GSTM1: variants seen among roughly 807,000 people sequenced by gnomAD.
GSTM1 encodes GST HB subunit 4.
GSTM1 carries 6 observed loss-of-function variants against 17.3 expected under a neutral mutation model. The observed-to-expected ratio is 0.35, with a 90% CI of 0.19 to 0.68. GSTM1 has a LOEUF of 0.68. Among genes scored for constraint, GSTM1 ranks in the 30% least tolerant of loss-of-function variants. The pLI is 0.65. For missense variants in GSTM1, 62 were observed against 155.9 expected (o/e 0.40, Z 3.21); for synonymous variants, 20 against 53.6 (o/e 0.37, Z 2.74).
chr1:109,688,419 T>TA lies in GSTM1; in HGVS notation c.112+174_112+175insA, dbSNP rs1265950525. On this transcript the variant is annotated intron_variant, in intron 2 of 7. Transcript: ENST00000309851. ...GGCCTTGCAAGGCAGAATGCTGGGG[T>TA]GGGATGCTGGGCCCCCTGTCTAATT... 8 of 409,954 alleles carry TA rather than the reference T, an allele frequency of 2.0e-5. 3 individuals are homozygous for TA. Among genetic ancestry groups the TA allele is most frequent in the African/African-American group, 4.7e-5 (2 of 42,354 alleles). The allele number at this position is 409,954 out of a possible 1,614,324, so 25.4% of individuals were successfully genotyped here.
At position 109,690,293 on chromosome 1, in the gene GSTM1, T is replaced by C. The variant is rs1480110385; in HGVS notation, c.383T>C (p.Leu128Ser). 3 of 796,874 alleles carry C rather than the reference T, an allele frequency of 3.8e-6. 1 individual carries two copies. In the African/African-American group the frequency reaches 5.6e-5, roughly 15 times the overall value. 49.4% of individuals were successfully genotyped at this position (796,874 alleles called of 1,614,324 possible). ...PEFEKLKPKY[L>S]EELPEKLKLY... ...CAGGAGAAACTGAAGCCAAAGTACTTGGAGGAACTCCCTGAAAAGCTAAAG... is the reference window on the plus strand; with the variant it reads ...CAGGAGAAACTGAAGCCAAAGTACTCGGAGGAACTCCCTGAAAAGCTAAAG... The change falls in exon 6 of 8, where the codon TTG becomes TCG. Residue 128 changes from leucine (L) to serine (S), a missense_variant. Coordinates refer to ENST00000309851, the MANE Select transcript of GSTM1 (RefSeq NM_000561.4).
chr1:109,693,197 C>A lies in GSTM1; in HGVS notation c.568-9C>A. On this transcript the variant is annotated splice_polypyrimidine_tract_variant and intron_variant, in intron 7 of 7. Transcript: ENST00000309851. ...CCTTGAGTTCTGGCCTTATTTTCCCCCCTCTCAGGGCTTGGAGAAGATCTC... is the reference window on the plus strand; with the variant it reads ...CCTTGAGTTCTGGCCTTATTTTCCCACCTCTCAGGGCTTGGAGAAGATCTC... The A allele has an allele frequency of 1.3e-6, 1 of 779,444 alleles. No homozygotes were observed. The highest frequency in any genetic ancestry group is 3.1e-5 in the Admixed American group (1 of 32,544). 48.3% of individuals were successfully genotyped at this position (779,444 alleles called of 1,614,324 possible). A position where few individuals can be genotyped will look rare whatever the true frequency, so the allele number is the denominator to read the frequency against.
chr1:109,687,838 T>G lies in GSTM1; in HGVS notation c.-36T>G, dbSNP rs760891075. 1.3e-5 allele frequency: 10 copies of G among 749,156 alleles called. 3 individuals carry two copies. The highest frequency in any genetic ancestry group is 1.8e-5 in the Non-Finnish European group (9 of 508,326). 46.4% of individuals were successfully genotyped at this position (749,156 alleles called of 1,614,324 possible). ...TCTTATACTCTGAGCCCTGCTCGGTTTAGGCCTGTCTGCGGAATCCGCACC... is the reference window on the plus strand; with the variant it reads ...TCTTATACTCTGAGCCCTGCTCGGTGTAGGCCTGTCTGCGGAATCCGCACC... On this transcript the variant is annotated 5_prime_UTR_variant, in exon 1 of 8. Coordinates refer to ENST00000309851, the MANE Select transcript of GSTM1 (RefSeq NM_000561.4).
intron 1 of GSTM1, 87 bp downstream of exon 1, chr1:109,687,996 C>G (rs1265327532): frequency 1.4e-6 from 1 of 706,634 alleles, no homozygotes; most frequent in African/African-American, 1.9e-5. Flanking sequence ...GGGACCGTTC[C>G]TCTTCAGGGC....
In GSTM1 at chr1:109,688,971, C is replaced by T. The variant is rs1648030086; in HGVS notation, c.178-77C>T. On this transcript the variant is annotated intron_variant, in intron 3 of 7. Transcript: ENST00000309851. The stretch of plus-strand genomic sequence containing the variant: ...GCACAGTGAGTGCCCGGTCTCCTCT[C>T]TGCTCTTGCTTATGGGAAGGGGATG... The T allele has an allele frequency of 2.3e-5, 15 of 646,646 alleles. 6 individuals are homozygous for T. The South Asian group carries it at 2.5e-4, about 11-fold the overall frequency. The allele number at this position is 646,646 out of a possible 1,614,324, so 40.1% of individuals were successfully genotyped here.
At chr1:109,692,564 C>T (rs111633257) in intron 7 of GSTM1, among the ~76,000 whole-genome samples, 17,765 of 75,464 alleles carry the variant, frequency 0.24, 6,921 homozygotes, top group Middle Eastern at 0.33. Flanking sequence ...GCACTGCCAC[C>T]CCCCATTCCA....
chr1:109,688,084 G>A lies in GSTM1; in HGVS notation c.37-86G>A, dbSNP rs188450204. ...GGCGGGTAGAGGAGGCAACGGGTAC[G>A]TGCAGTGTAAACTGGGGGCTTCCCT... On this transcript the variant is annotated intron_variant, in intron 1 of 7. Coordinates refer to ENST00000309851, the MANE Select transcript of GSTM1 (RefSeq NM_000561.4). The A allele has an allele frequency of 7.8e-5, 62 of 795,218 alleles. 19 individuals carry two copies. In the African/African-American group the frequency reaches 1.0e-3, roughly 13 times the overall value. 49.3% of individuals were successfully genotyped at this position (795,218 alleles called of 1,614,324 possible). A position where few individuals can be genotyped will look rare whatever the true frequency, so the allele number is the denominator to read the frequency against.
At chr1:109,691,192 G>A (rs1248347486) in intron 7 of GSTM1, among the ~76,000 whole-genome samples, 1 of 73,404 alleles carries the variant, frequency 1.4e-5, no homozygotes, top group Admixed American at 1.5e-4. Context: ...TGAAATGCCC[G>A]GTGCTGGGGC....
Position 109,690,447 on chromosome 1 carries a change from TC to T in GSTM1, c.457-6del, listed in dbSNP as rs1648069236. 6.3e-6 allele frequency: 5 copies of T among 789,900 alleles called. 2 individuals are homozygous for T. In the South Asian group the frequency reaches 9.2e-5, roughly 15 times the overall value. 48.9% of individuals were successfully genotyped at this position (789,900 alleles called of 1,614,324 possible). ...GTTCCAGCCCACATATTCTTGGCCTTCTGCAGATCACTTTTGTAGATTTTCT... is the reference window on the plus strand; with the variant it reads ...GTTCCAGCCCACATATTCTTGGCCTTTGCAGATCACTTTTGTAGATTTTCT... On this transcript the variant is annotated splice_region_variant and splice_polypyrimidine_tract_variant and intron_variant, in intron 6 of 7. Coordinates refer to ENST00000309851, the MANE Select transcript of GSTM1 (RefSeq NM_000561.4).
rs765388480 is a variant in GSTM1 at position 109,687,854 on chromosome 1, A to G, written c.-20A>G. ...CTGCTCGGTTTAGGCCTGTCTGCGG[A>G]ATCCGCACCAACCAGCACCATGCCC... On this transcript the variant is annotated 5_prime_UTR_variant, in exon 1 of 8. Transcript: ENST00000309851. The G allele has an allele frequency of 1.1e-5, 9 of 785,272 alleles. 3 individuals are homozygous for G. Among genetic ancestry groups the G allele is most frequent in the South Asian group, 3.7e-5 (2 of 54,406 alleles). 48.6% of individuals were successfully genotyped at this position (785,272 alleles called of 1,614,324 possible).
rs748695551 is a variant in GSTM1, at chr1:109,688,960, C to T, written c.178-88C>T. 2.9e-5 allele frequency: 17 copies of T among 595,376 alleles called. 6 individuals carry two copies. The highest frequency in any genetic ancestry group is 6.2e-5 in the Admixed American group (2 of 32,354). 36.9% of individuals were successfully genotyped at this position (595,376 alleles called of 1,614,324 possible). The stretch of plus-strand genomic sequence containing the variant: ...GCCATGAGCAGGCACAGTGAGTGCC[C>T]GGTCTCCTCTCTGCTCTTGCTTATG... On this transcript the variant is annotated intron_variant, in intron 3 of 7. Coordinates refer to ENST00000309851, the MANE Select transcript of GSTM1 (RefSeq NM_000561.4).
rs760162195 is a variant in GSTM1 at position 109,687,852 on chromosome 1, G to A, written c.-22G>A. The A allele has an allele frequency of 3.7e-5, 29 of 783,974 alleles. 12 individuals carry two copies. The South Asian group carries it at 4.6e-4, about 12-fold the overall frequency. The allele number at this position is 783,974 out of a possible 1,614,324, so 48.6% of individuals were successfully genotyped here. A position where few individuals can be genotyped will look rare whatever the true frequency, so the allele number is the denominator to read the frequency against. ...CCCTGCTCGGTTTAGGCCTGTCTGC[G>A]GAATCCGCACCAACCAGCACCATGC... On this transcript the variant is annotated 5_prime_UTR_variant, in exon 1 of 8. Coordinates refer to ENST00000309851, the MANE Select transcript of GSTM1 (RefSeq NM_000561.4).
In GSTM1 at chr1:109,688,217, T is replaced by C. The variant is rs1065410; in HGVS notation, c.84T>C (p.Tyr28=). 445 of 797,956 alleles carry C rather than the reference T, an allele frequency of 5.6e-4. 194 individuals are homozygous for C. The highest frequency in any genetic ancestry group is 5.7e-4 in the Non-Finnish European group (316 of 552,716). 49.4% of individuals were successfully genotyped at this position (797,956 alleles called of 1,614,324 possible). The change falls in exon 2 of 8, where the codon TAT becomes TAC. Residue 28 remains tyrosine, a synonymous_variant. Coordinates refer to ENST00000309851, the MANE Select transcript of GSTM1 (RefSeq NM_000561.4). ...RLLLEYTDSS[Y]EEKKYTMGDA... is the part of the protein sequence containing the mutation. ...TCCTGGAATACACAGACTCAAGCTA[T>C]GAGGAAAAGAAGTACACGATGGGGG...
chr1:109,688,332 C>T lies in GSTM1; in HGVS notation c.112+87C>T. ...TGGTGGCCACCTGTGGCTGCCTCTG[C>T]AGGCCTCCCCTGCTGGAGCTGCAGG... On this transcript the variant is annotated intron_variant, in intron 2 of 7. Coordinates refer to ENST00000309851, the MANE Select transcript of GSTM1 (RefSeq NM_000561.4). 3 of 680,806 alleles carry T rather than the reference C, an allele frequency of 4.4e-6. 1 individual carries two copies. The highest frequency in any genetic ancestry group is 3.9e-5 in the African/African-American group (2 of 51,060). 42.2% of individuals were successfully genotyped at this position (680,806 alleles called of 1,614,324 possible).
Position 109,688,200 on chromosome 1 carries a change from T to C in GSTM1, c.67T>C (p.Tyr23His), listed in dbSNP as rs1648003600. 3 of 798,242 alleles carry C rather than the reference T, an allele frequency of 3.8e-6. 1 individual carries two copies. Among genetic ancestry groups the C allele is most frequent in the Non-Finnish European group, 5.4e-6 (3 of 552,892 alleles). The allele number at this position is 798,242 out of a possible 1,614,324, so 49.4% of individuals were successfully genotyped here. ...CCACGCCATCCGCCTGCTCCTGGAA[T>C]ACACAGACTCAAGCTATGAGGAAAA... ...LAHAIRLLLEYTDSSYEEKKY... is the reference protein window; with the variant it reads ...LAHAIRLLLEHTDSSYEEKKY... Residue 23 changes from tyrosine (Y) to histidine (H), a missense_variant, in exon 2 of 8, where the codon TAC becomes CAC. Tyr to His is a moderately conservative substitution (Grantham distance 83, BLOSUM62 2). Transcript: ENST00000309851.
intron 3 of GSTM1, 91 bp from the exon 4 acceptor site, chr1:109,688,957 G>A: frequency 1.7e-6 from 1 of 583,960 alleles, no homozygotes; most frequent in Non-Finnish European, 2.8e-6. Flanking sequence ...CACAGTGAGT[G>A]CCCGGTCTCC....
chr1:109,687,941 G>C (rs1647994871), intron 1 of GSTM1, 32 bp downstream of exon 1: 1 of 770,056 alleles, frequency 1.3e-6, no homozygotes, highest in African/African-American at 1.9e-5. Context: ...GGTGGGACGA[G>C]GGCGCAGGGG....
chr1:109,690,170 T>G lies in GSTM1; in HGVS notation c.361-101T>G, dbSNP rs1181839502. Reference sequence around the variant, plus strand: ...CCAGTTCCAGCTTGGGGAAGATGGCTGCTTGCCCATGGCCAGCCTGGGCCG... The same window carrying G: ...CCAGTTCCAGCTTGGGGAAGATGGCGGCTTGCCCATGGCCAGCCTGGGCCG... On this transcript the variant is annotated intron_variant, in intron 5 of 7. Coordinates refer to ENST00000309851, the MANE Select transcript of GSTM1 (RefSeq NM_000561.4). The G allele has an allele frequency of 4.8e-5, 20 of 416,124 alleles. 7 individuals carry two copies. The highest frequency in any genetic ancestry group is 4.6e-4 in the Admixed American group (13 of 28,394). The allele number at this position is 416,124 out of a possible 1,614,324, so 25.8% of individuals were successfully genotyped here.
In GSTM1 at chr1:109,688,176, C is replaced by T; in HGVS notation, c.43C>T (p.His15Tyr). 1.3e-6 allele frequency: 1 copy of T among 798,242 alleles called. No individual in the cohort carries two copies. The highest frequency in any genetic ancestry group is 1.8e-6 in the Non-Finnish European group (1 of 552,920). 49.4% of individuals were successfully genotyped at this position (798,242 alleles called of 1,614,324 possible). The change falls in exon 2 of 8, where the codon CAC becomes TAC. Residue 15 changes from histidine (H) to tyrosine (Y), a missense_variant. Transcript: ENST00000309851. Reference sequence around the variant, plus strand: ...TGCGGGCCATCTCTCCCAGCTGGCCCACGCCATCCGCCTGCTCCTGGAATA... The same window carrying T: ...TGCGGGCCATCTCTCCCAGCTGGCCTACGCCATCCGCCTGCTCCTGGAATA... ...LGYWDIRGLA[H>Y]AIRLLLEYTD...
Sources: gnomAD v4.1 joint callset for allele counts (sites outside exome capture counted in the v4.1 genomes callset) on GRCh38, gnomAD v4.1.1 for gene constraint, MANE v1.5 for transcripts, NCBI Gene and HGNC (gene_info 2026-07-23, HGNC 2026-07-21) for gene names.